The following SH3RF1 variants were observed in gnomAD, a reference collection of about 807,000 sequenced individuals.
SH3RF1 encodes the protein E3 ubiquitin-protein ligase SH3RF1.
A neutral mutation model predicts 74.0 loss-of-function variants in SH3RF1; 32 were observed. The observed-to-expected ratio is 0.43, with a 90% CI of 0.33 to 0.58. The LOEUF (loss-of-function observed/expected upper bound fraction) is 0.58, where lower values mean the gene tolerates loss of function less well. Among genes scored for constraint, SH3RF1 ranks in the 20% least tolerant of loss-of-function variants. The probability of loss-of-function intolerance (pLI) is 0.05; values close to 1 mark genes in which losing one functional copy is unlikely to be tolerated. For missense variants in SH3RF1, 954 were observed against 1,130.9 expected, an observed-to-expected ratio of 0.84 and a Z score of 2.24; for synonymous variants, 396 against 439.6, an observed-to-expected ratio of 0.90 and a Z score of 1.24.
intron 11 of SH3RF1, among the ~76,000 whole-genome samples, chr4:169,098,545 C>T (rs752971534): frequency 6.6e-5 from 10 of 152,232 alleles, no homozygotes; most frequent in Non-Finnish European, 1.5e-4. Context: ...GCTTGAACAA[C>T]CTGAGCTCCT....
At chr4:169,192,909 C>CAT (rs1734751372) in intron 2 of SH3RF1, among the ~76,000 whole-genome samples, 4 of 114,754 alleles carry the variant, frequency 3.5e-5, no homozygotes, top group East Asian at 3.9e-4. Context: ...ATATATATAT[C>CAT]ATATATATGT....
Position 169,156,626 on chromosome 4 carries a change from C to A in SH3RF1, c.447G>T (p.Glu149Asp). 1 of 1,613,860 alleles carries A rather than the reference C, an allele frequency of 6.2e-7. No homozygotes were observed. The highest frequency in any genetic ancestry group is 8.5e-7 in the Non-Finnish European group (1 of 1,179,914). ...CTTTGCTGAATTTAAGGTCTCCAGGCTCTTTTCCTTCATAGTTGTATAATG... is the reference window on the plus strand; with the variant it reads ...CTTTGCTGAATTTAAGGTCTCCAGGATCTTTTCCTTCATAGTTGTATAATG... ...AKALYNYEGK[E>D]PGDLKFSKGD... Residue 149 changes from glutamate to aspartate, a missense_variant, in exon 3 of 12, where the codon GAG (glutamate) becomes GAT (aspartate). Physicochemically the swap from Glu to Asp is conservative, Grantham distance 45. This residue lies in a region of SH3RF1 where 854 missense variants were observed against 962.5 expected (regional missense o/e 0.89). Transcript: ENST00000284637.
chr4:169,264,689 T>A (rs1191308187), intron 2 of SH3RF1, among the ~76,000 whole-genome samples: 2 of 152,170 alleles, frequency 1.3e-5, no homozygotes, highest in Non-Finnish European at 2.9e-5. Context: ...GTCCCAATGG[T>A]CCCTCTTTCT....
At chr4:169,212,291 C>T (rs979534128) in intron 2 of SH3RF1, among the ~76,000 whole-genome samples, 6 of 151,894 alleles carry the variant, frequency 4.0e-5, no homozygotes, top group Non-Finnish European at 5.9e-5. Flanking sequence ...CTTAATCTCC[C>T]GACCTCAGGT....
intron 6 of SH3RF1, among the ~76,000 whole-genome samples, chr4:169,126,387 C>T (rs1733525918): frequency 6.6e-6 from 1 of 152,134 alleles, no homozygotes; most frequent in Admixed American, 6.5e-5. Flanking sequence ...GATCTCCTGC[C>T]AATTCCAAAG....
In SH3RF1 at chr4:169,268,976, C is replaced by T; in HGVS notation, c.237G>A (p.Arg79=). 1 of 1,614,168 alleles carries T rather than the reference C, an allele frequency of 6.2e-7. No homozygotes were observed. Among genetic ancestry groups the T allele is most frequent in the Non-Finnish European group, 8.5e-7 (1 of 1,180,026 alleles). Residue 79 remains arginine (R), a synonymous_variant, in exon 2 of 12, where the codon AGG becomes AGA. Transcript: ENST00000284637. ...LVRLLDGIKQ[R]PWKPGPGGGS... Reference sequence around the variant, plus strand: ...CCCCACCAGGACCAGGTTTCCAAGGCCTCTGTTTGATGCCATCCAGAAGTC... The same window carrying T: ...CCCCACCAGGACCAGGTTTCCAAGGTCTCTGTTTGATGCCATCCAGAAGTC...
At chr4:169,139,621 G>A (rs1050211340) in intron 4 of SH3RF1, among the ~76,000 whole-genome samples, 2 of 152,124 alleles carry the variant, frequency 1.3e-5, no homozygotes, top group Non-Finnish European at 2.9e-5. Flanking sequence ...GTCTTTTGGT[G>A]GACATAAGCT....
At chr4:169,233,112 G>C (rs1349536033) in intron 2 of SH3RF1, among the ~76,000 whole-genome samples, 1 of 151,952 alleles carries the variant, frequency 6.6e-6, no homozygotes, top group Non-Finnish European at 1.5e-5. Flanking sequence ...AGCCAGGCGT[G>C]GTGGCAGGCA....
At chr4:169,266,720 C>T (rs961441989) in intron 2 of SH3RF1, among the ~76,000 whole-genome samples, 1 of 152,094 alleles carries the variant, frequency 6.6e-6, no homozygotes. Context: ...CGGCCCCAGC[C>T]TCTGGAGTAG....
chr4:169,208,036 C>G (rs1467079274), intron 2 of SH3RF1, among the ~76,000 whole-genome samples: 2 of 152,066 alleles, frequency 1.3e-5, no homozygotes, highest in Admixed American at 6.6e-5. Context: ...CTTTGCCAGG[C>G]TTCCACATCT....
At chr4:169,232,279 G>A (rs17054840) in intron 2 of SH3RF1, among the ~76,000 whole-genome samples, 7,958 of 152,260 alleles carry the variant, frequency 0.052, 336 homozygotes, top group Admixed American at 0.15. Context: ...GGGAAAGACC[G>A]CCATAGCAAT....
At chr4:169,231,196 C>T (rs1730732948) in intron 2 of SH3RF1, among the ~76,000 whole-genome samples, 1 of 152,190 alleles carries the variant, frequency 6.6e-6, no homozygotes, top group Non-Finnish European at 1.5e-5. Flanking sequence ...ACAAATGTGG[C>T]CCATTATTAC....
intron 10 of SH3RF1, among the ~76,000 whole-genome samples, chr4:169,112,133 T>C (rs1167172233): frequency 1.3e-5 from 2 of 152,100 alleles, no homozygotes; most frequent in Non-Finnish European, 1.5e-5. Context: ...GGACTGCTGG[T>C]AGGTTTAAGT....
At chr4:169,218,549 C>T (rs1730505161) in intron 2 of SH3RF1, among the ~76,000 whole-genome samples, 1 of 149,640 alleles carries the variant, frequency 6.7e-6, no homozygotes, top group African/African-American at 2.5e-5. Context: ...GGTGCAAAAA[C>T]TCCTTTTACC....
chr4:169,164,855 G>A (rs1452413652), intron 2 of SH3RF1, among the ~76,000 whole-genome samples: 1 of 152,112 alleles, frequency 6.6e-6, no homozygotes, highest in Non-Finnish European at 1.5e-5. Flanking sequence ...CAGTTGATAT[G>A]GCATTTCTCT....
chr4:169,245,785 A>G (rs1730986769), intron 2 of SH3RF1, among the ~76,000 whole-genome samples: 1 of 152,210 alleles, frequency 6.6e-6, no homozygotes, highest in Non-Finnish European at 1.5e-5. Context: ...AGTGAAATGT[A>G]ATTTGTAAGT....
intron 2 of SH3RF1, among the ~76,000 whole-genome samples, chr4:169,191,031 G>A (rs1415731451): frequency 5.9e-5 from 9 of 152,174 alleles, no homozygotes; most frequent in African/African-American, 1.4e-4. Context: ...ATCCCTTTAC[G>A]ATTAAAACTC....
chr4:169,169,795 A>G (rs940086419), intron 2 of SH3RF1, among the ~76,000 whole-genome samples: 25 of 152,214 alleles, frequency 1.6e-4, no homozygotes, highest in African/African-American at 4.8e-4. Context: ...TGGTGTGATC[A>G]GGGCTCACTG....
chr4:169,132,848 C>T (rs546210774), intron 5 of SH3RF1, among the ~76,000 whole-genome samples: 53 of 152,274 alleles, frequency 3.5e-4, no homozygotes, highest in African/African-American at 1.3e-3. Flanking sequence ...ATCTTGGCTG[C>T]TTGTACCACC....
Sources: gnomAD v4.1 joint callset for allele counts (sites outside exome capture counted in the v4.1 genomes callset) on GRCh38, gnomAD v4.1.1 for gene constraint, gnomAD v4.1.1 regional missense constraint, MANE v1.5 for transcripts, NCBI Gene and HGNC (gene_info 2026-07-23, HGNC 2026-07-21) for gene names.